KIAA0825: variants seen among roughly 807,000 people sequenced by gnomAD.
KIAA0825 encodes the protein uncharacterized protein KIAA0825.
KIAA0825 carries 119 observed loss-of-function variants against 147.6 expected under a neutral mutation model. The observed-to-expected ratio is 0.81, with a 90% confidence interval of 0.69 to 0.94. The LOEUF (loss-of-function observed/expected upper bound fraction) is 0.94. Among genes scored for constraint, KIAA0825 ranks in the 40% least tolerant of loss-of-function variants. The pLI is 0.00. For missense variants in KIAA0825, 1,381 were observed against 1,472.7 expected (o/e 0.94, Z 1.02); for synonymous variants, 470 against 518.1 (o/e 0.91, Z 1.26).
At chr5:94,165,708 GA>G (rs1268855635) in intron 20 of KIAA0825, among the ~76,000 whole-genome samples, 1 of 152,186 alleles carries the variant, frequency 6.6e-6, no homozygotes, top group Non-Finnish European at 1.5e-5. Flanking sequence ...CAACAGCACG[GA>G]TGGAACTGGA....
At chr5:94,214,950 G>C (rs1261878415) in intron 20 of KIAA0825, among the ~76,000 whole-genome samples, 2 of 152,138 alleles carry the variant, frequency 1.3e-5, no homozygotes, top group African/African-American at 4.8e-5. Flanking sequence ...TGCAACATTT[G>C]GTCAAGATGA....
intron 15 of KIAA0825, among the ~76,000 whole-genome samples, chr5:94,411,209 TAAAG>T (rs763567194): frequency 1.6e-4 from 24 of 151,748 alleles, no homozygotes; most frequent in Non-Finnish European, 2.2e-4. Flanking sequence ...CTACAGTAAA[TAAAG>T]AAGCCATTAG....
intron 20 of KIAA0825, among the ~76,000 whole-genome samples, chr5:94,213,279 C>T (rs1470905513): frequency 6.6e-6 from 1 of 152,078 alleles, no homozygotes; most frequent in African/African-American, 2.4e-5. Flanking sequence ...CATAAACCTC[C>T]AAGTCCTATT....
At chr5:94,224,913 A>C (rs1284688324) in intron 20 of KIAA0825, among the ~76,000 whole-genome samples, 1 of 152,048 alleles carries the variant, frequency 6.6e-6, no homozygotes, top group Non-Finnish European at 1.5e-5. Context: ...TCTGTCTCTA[A>C]ATTAAGAACA....
intron 3 of KIAA0825, among the ~76,000 whole-genome samples, chr5:94,533,639 G>A (rs1771377741): frequency 6.6e-6 from 1 of 152,168 alleles, no homozygotes; most frequent in Admixed American, 6.5e-5. Flanking sequence ...AAACTAATAA[G>A]TACCACTCAG....
chr5:94,348,522 A>C lies in KIAA0825; in HGVS notation c.3710+35846T>G, dbSNP rs568744919. Among the ~76,000 whole-genome samples the C allele has an allele frequency of 3.9e-5, 6 of 152,364 alleles. No individual in the cohort carries two copies. In the South Asian group the frequency reaches 1.2e-3, roughly 32 times the overall value. On this transcript the variant is annotated intron_variant, in intron 20 of 20. Coordinates refer to ENST00000682413, the MANE Select transcript of KIAA0825 (RefSeq NM_001145678.3). ...TCCTCAAACAAAACAATTCTCAGCC[A>C]AGAATTTTGTATCCAGCAAAACTAA...
At chr5:94,397,332 T>A (rs556020408) in intron 16 of KIAA0825, among the ~76,000 whole-genome samples, 1 of 152,214 alleles carries the variant, frequency 6.6e-6, no homozygotes, top group Non-Finnish European at 1.5e-5. Context: ...TAGATGTAGG[T>A]TTTTGCTAAG....
chr5:94,247,614 G>A (rs1312607360), intron 20 of KIAA0825, among the ~76,000 whole-genome samples: 1 of 152,044 alleles, frequency 6.6e-6, no homozygotes, highest in Non-Finnish European at 1.5e-5. Flanking sequence ...TATCCAGCAC[G>A]TATTTTGCTG....
chr5:94,383,935 TTAGAC>T (rs74889438), intron 20 of KIAA0825, among the ~76,000 whole-genome samples: 2,059 of 152,226 alleles, frequency 0.014, 20 homozygotes, highest in Non-Finnish European at 0.019. Flanking sequence ...GTTTTCCTGA[TTAGAC>T]TAGTTGATTT....
At chr5:94,341,543 C>T (rs549088902) in intron 20 of KIAA0825, among the ~76,000 whole-genome samples, 1 of 152,260 alleles carries the variant, frequency 6.6e-6, no homozygotes, top group African/African-American at 2.4e-5. Flanking sequence ...GGGCTGAGTC[C>T]ATAGATAATA....
At chr5:94,350,513 T>C (rs1023644781) in intron 20 of KIAA0825, among the ~76,000 whole-genome samples, 1 of 152,162 alleles carries the variant, frequency 6.6e-6, no homozygotes, top group African/African-American at 2.4e-5. Flanking sequence ...TTGATGAACA[T>C]GGATGCTAAA....
At chr5:94,494,378 G>A (rs1251842279) in intron 5 of KIAA0825, among the ~76,000 whole-genome samples, 1 of 145,658 alleles carries the variant, frequency 6.9e-6, no homozygotes, top group Non-Finnish European at 1.5e-5. Flanking sequence ...TACTGATGTG[G>A]CCAGTTTAGG....
At position 94,470,035 on chromosome 5, in the gene KIAA0825, C is replaced by G; in HGVS notation, c.1798G>C (p.Val600Leu). ...AAAATGCTTGTAGCACAAACTCTGA[C>G]GCAGTAGTTCGTAACCTGAAACTGT... ...TLQFQVTNYCVRVCATSILQD... is the reference protein window; with the variant it reads ...TLQFQVTNYCLRVCATSILQD... Residue 600 changes from valine (V) to leucine (L), a missense_variant, in exon 10 of 21, where the codon GTC (valine) becomes CTC (leucine). Transcript: ENST00000682413. 1 of 1,551,666 alleles carries G rather than the reference C, an allele frequency of 6.4e-7. No individual in the cohort carries two copies. The highest frequency in any genetic ancestry group is 2.4e-5 in the East Asian group (1 of 40,910).
In KIAA0825 at chr5:94,470,027, A is replaced by G. The variant is rs1170710408; in HGVS notation, c.1806T>C (p.Val602=). 2 of 1,551,784 alleles carry G rather than the reference A, an allele frequency of 1.3e-6. No homozygotes were observed. The highest frequency in any genetic ancestry group is 1.7e-6 in the Non-Finnish European group (2 of 1,146,990). The change falls in exon 10 of 21, where the codon GTT becomes GTC. Residue 602 remains valine, a synonymous_variant. Transcript: ENST00000682413. Reference sequence around the variant, plus strand: ...CATCCTGTAAAATGCTTGTAGCACAAACTCTGACGCAGTAGTTCGTAACCT... The same window carrying G: ...CATCCTGTAAAATGCTTGTAGCACAGACTCTGACGCAGTAGTTCGTAACCT... ...QFQVTNYCVR[V]CATSILQDAE...
Position 94,520,207 on chromosome 5 carries a change from G to T in KIAA0825, c.970+41C>A, listed in dbSNP as rs376578384. 29 of 1,507,898 alleles carry T rather than the reference G, an allele frequency of 1.9e-5. No individual in the cohort carries two copies. In the Admixed American group the frequency reaches 2.3e-4, roughly 12 times the overall value. The allele number at this position is 1,507,898 out of a possible 1,614,324, so 93.4% of individuals were successfully genotyped here. A position where few individuals can be genotyped will look rare whatever the true frequency, so the allele number is the denominator to read the frequency against. On this transcript the variant is annotated intron_variant, in intron 5 of 20. Transcript: ENST00000682413. ...TCTTAGAAAATTAAACATATTAAAA[G>T]ACTTAAGTTAAACCAAACAAAAATT...
intron 1 of KIAA0825, chr5:94,593,605 G>A (rs1784734902): frequency 5.8e-6 from 3 of 513,568 alleles, no homozygotes; most frequent in Non-Finnish European, 1.1e-5. Flanking sequence ...ATTGATGTCA[G>A]AGGAGCTAAC....
chr5:94,196,737 G>C (rs920093971), intron 20 of KIAA0825, among the ~76,000 whole-genome samples: 1 of 152,050 alleles, frequency 6.6e-6, no homozygotes, highest in East Asian at 1.9e-4. Context: ...TTTTGTTCCT[G>C]CATTAATTTA....
intron 20 of KIAA0825, among the ~76,000 whole-genome samples, chr5:94,333,416 A>C (rs1046570401): frequency 6.7e-6 from 1 of 149,928 alleles, no homozygotes; most frequent in Non-Finnish European, 1.5e-5. Context: ...AGGTTTAAGG[A>C]AGGGGTTCAG....
intron 2 of KIAA0825, among the ~76,000 whole-genome samples, chr5:94,541,290 T>C (rs1225624352): frequency 2.6e-5 from 4 of 152,200 alleles, no homozygotes; most frequent in African/African-American, 7.2e-5. Flanking sequence ...AAAAATCCCA[T>C]ACTTACCAAG....
Sources: allele counts gnomAD v4.1 joint callset (sites outside exome capture counted in the v4.1 genomes callset), GRCh38; gene constraint gnomAD v4.1.1; transcripts MANE v1.5; gene names NCBI Gene and HGNC (gene_info 2026-07-23, HGNC 2026-07-21).